The following PHLDB3 variants were observed in gnomAD, a reference collection of about 807,000 sequenced individuals.
The protein encoded by PHLDB3 is pleckstrin homology like domain family B member 3.
In PHLDB3, 86 loss-of-function variants were observed where a neutral mutation model predicts 85.7. The observed-to-expected ratio is 1.00, with a 90% confidence interval of 0.84 to 1.20. The LOEUF (loss-of-function observed/expected upper bound fraction) is 1.20, where lower values mean the gene tolerates loss of function less well. PHLDB3 is among the 50% of genes most tolerant of loss of function. The pLI, the probability that PHLDB3 is intolerant of heterozygous loss-of-function variation, is 0.00. For synonymous variants in PHLDB3, 376 were observed against 349.8 expected, an observed-to-expected ratio of 1.07 and a Z score of -0.83; for missense variants, 995 against 873.0, an observed-to-expected ratio of 1.14 and a Z score of -1.76.
chr19:43,491,565 G>A (rs1302659164), intron 9 of PHLDB3, among the ~76,000 whole-genome samples: 1 of 151,584 alleles, frequency 6.6e-6, no homozygotes, highest in East Asian at 1.9e-4. Context: ...GCAGTGGTGC[G>A]ACCTTAGCTC....
At chr19:43,485,924 C>A in intron 13 of PHLDB3, 2 of 936,416 alleles carry the variant, frequency 2.1e-6, no homozygotes, top group Non-Finnish European at 2.5e-6. Context: ...AATCCCAGTA[C>A]TCTGGGAGGC....
intron 1 of PHLDB3, 122 bp from the exon 2 acceptor site, chr19:43,504,254 A>C (rs1212456359): frequency 1.9e-5 from 17 of 904,468 alleles, no homozygotes; most frequent in Non-Finnish European, 2.6e-5. Flanking sequence ...AGTTCAAAGG[A>C]TGGAACTGAG....
rs999124460 is a variant in PHLDB3 at position 43,475,350 on chromosome 19, C to CCCCCGCG, written c.*53_*59dup. On this transcript the variant is annotated 3_prime_UTR_variant, in exon 16 of 16. Coordinates refer to ENST00000292140, the MANE Select transcript of PHLDB3 (RefSeq NM_198850.4). Reference sequence around the variant, plus strand: ...CGGCAGTGGGCGGGGCCTAGGAACGCCCCCGCGCCCCGCGCCGGCGGAGCC... The same window carrying CCCCCGCG: ...CGGCAGTGGGCGGGGCCTAGGAACGCCCCCGCGCCCCGCGCCCCGCGCCGGCGGAGCC... 14 of 1,591,242 alleles carry CCCCCGCG rather than the reference C, an allele frequency of 8.8e-6. No homozygotes were observed. Among genetic ancestry groups the CCCCCGCG allele is most frequent in the Non-Finnish European group, 1.1e-5 (13 of 1,166,936 alleles).
At chr19:43,492,618 C>A (rs1450031412) in intron 9 of PHLDB3, among the ~76,000 whole-genome samples, 1 of 63,578 alleles carries the variant, frequency 1.6e-5, no homozygotes, top group Non-Finnish European at 3.1e-5. Context: ...GAGCCAGACC[C>A]TATCTCAAAA....
chr19:43,487,681 C>T (rs73043618), intron 9 of PHLDB3, among the ~76,000 whole-genome samples: 15,514 of 151,038 alleles, frequency 0.1, 831 homozygotes, highest in African/African-American at 0.15. Context: ...TGGGGTAGAT[C>T]GGGGAACCGA....
intron 9 of PHLDB3, among the ~76,000 whole-genome samples, chr19:43,487,574 CAAAA>C (rs760708749): frequency 1.8e-4 from 7 of 38,530 alleles, no homozygotes; most frequent in Non-Finnish European, 3.6e-4. Context: ...GACTCTGTCT[CAAAA>C]AAAAAAAAAA....
rs751646634 is a variant in PHLDB3, at chr19:43,501,866, C to CTCCA, written c.398_401dup (p.Glu134AspfsTer11). The stretch of plus-strand genomic sequence containing the variant: ...CACCCCGCAGCAAGGCCACCTCCAC[C>CTCCA]TCCATCTGCGGAGAGAATGCCAGGG... On this transcript the variant is annotated frameshift_variant, in exon 4 of 16. Coordinates refer to ENST00000292140, the MANE Select transcript of PHLDB3 (RefSeq NM_198850.4). LOFTEE classifies it high-confidence loss of function. The CTCCA allele has an allele frequency of 1.3e-6, 2 of 1,592,170 alleles. No individual in the cohort carries two copies. Among genetic ancestry groups the CTCCA allele is most frequent in the Non-Finnish European group, 1.7e-6 (2 of 1,169,804 alleles).
chr19:43,493,629 CAA>C (rs964629803), intron 9 of PHLDB3, among the ~76,000 whole-genome samples: 2 of 136,662 alleles, frequency 1.5e-5, no homozygotes, highest in Non-Finnish European at 1.6e-5. Flanking sequence ...GAGACTCTGT[CAA>C]AAAAAAAAAG....
chr19:43,491,949 T>TGG (rs1971324955), intron 9 of PHLDB3, among the ~76,000 whole-genome samples: 4 of 133,662 alleles, frequency 3.0e-5, no homozygotes, highest in South Asian at 2.3e-4. Context: ...CTGGCCGTTT[T>TGG]TTTTTTTTTG....
At chr19:43,479,010 C>T (rs1424883961) in intron 14 of PHLDB3, among the ~76,000 whole-genome samples, 1 of 152,204 alleles carries the variant, frequency 6.6e-6, no homozygotes, top group Non-Finnish European at 1.5e-5. Flanking sequence ...GGGCCCCAGA[C>T]TCCTGGCCAT....
intron 1 of PHLDB3, 121 bp from the exon 2 acceptor site, chr19:43,504,253 G>C (rs1971699577): frequency 1.1e-6 from 1 of 904,596 alleles, no homozygotes; most frequent in Admixed American, 2.9e-5. Context: ...GAGTTCAAAG[G>C]ATGGAACTGA....
intron 4 of PHLDB3, among the ~76,000 whole-genome samples, chr19:43,499,991 G>A (rs187482471): frequency 6.6e-6 from 1 of 152,172 alleles, no homozygotes. Context: ...TGTAATCCCA[G>A]CACTTTGGGA....
At chr19:43,500,895 G>GGGCCC (rs1971570922) in intron 4 of PHLDB3, among the ~76,000 whole-genome samples, 1 of 33,560 alleles carries the variant, frequency 3.0e-5, no homozygotes. Flanking sequence ...CTCCCACTTT[G>GGGCCC]CCCCGCCCCC....
chr19:43,495,309 G>A lies in PHLDB3; in HGVS notation c.982C>T (p.Leu328Phe), dbSNP rs1287331870. Reference protein sequence around the residue: ...ERSRLLELNCLQGTPGGDFSE... With the variant: ...ERSRLLELNCFQGTPGGDFSE... Reference sequence around the variant, plus strand: ...AAGTCCCCGCCAGGTGTTCCCTGAAGGCAATTGAGCTCGAGCAGCCGGCTC... The same window carrying A: ...AAGTCCCCGCCAGGTGTTCCCTGAAAGCAATTGAGCTCGAGCAGCCGGCTC... The change falls in exon 8 of 16, where the codon CTT (leucine) becomes TTT (phenylalanine). Residue 328 changes from leucine (L) to phenylalanine (F), a missense_variant. Physicochemically the swap from Leu to Phe is conservative, Grantham distance 22. Coordinates refer to ENST00000292140, the MANE Select transcript of PHLDB3 (RefSeq NM_198850.4). The A allele has an allele frequency of 1.2e-6, 2 of 1,613,752 alleles. No individual in the cohort carries two copies. Among genetic ancestry groups the A allele is most frequent in the East Asian group, 2.2e-5 (1 of 44,888 alleles).
intron 6 of PHLDB3, chr19:43,496,016 CTTTTT>C (rs199561319): frequency 2.9e-5 from 4 of 140,104 alleles, no homozygotes; most frequent in Non-Finnish European, 4.6e-5. Flanking sequence ...AAGAAAAGCT[CTTTTT>C]TTTTTTTTTT....
At chr19:43,475,631 G>C in intron 15 of PHLDB3, 87 bp from the exon 16 acceptor site, 1 of 1,530,036 alleles carries the variant, frequency 6.5e-7, no homozygotes, top group Admixed American at 1.9e-5. Context: ...CTTATAGTCT[G>C]TGTGGCACTG....
intron 9 of PHLDB3, among the ~76,000 whole-genome samples, chr19:43,491,649 G>A (rs1025508822): frequency 8.2e-5 from 12 of 146,414 alleles, no homozygotes; most frequent in Non-Finnish European, 1.6e-4. Context: ...TTATAGGCAC[G>A]CACCAGCACA....
intron 12 of PHLDB3, 41 bp downstream of exon 12, chr19:43,486,568 G>A: frequency 6.3e-7 from 1 of 1,589,150 alleles, no homozygotes; most frequent in Non-Finnish European, 8.6e-7. Context: ...GGAGAGGCTG[G>A]GGCAGTCTTC....
chr19:43,478,016 G>T, intron 15 of PHLDB3, 31 bp downstream of exon 15: 1 of 1,561,484 alleles, frequency 6.4e-7, no homozygotes, highest in South Asian at 1.1e-5. Flanking sequence ...GTCTCCAACT[G>T]GGAGGTCAGG....
Sources: gnomAD v4.1 joint callset for allele counts (sites outside exome capture counted in the v4.1 genomes callset) on GRCh38, gnomAD v4.1.1 for gene constraint, MANE v1.5 for transcripts, NCBI Gene and HGNC (gene_info 2026-07-23, HGNC 2026-07-21) for gene names.